The following CFAP58 variants were observed in gnomAD, a reference collection of about 807,000 sequenced individuals.
CFAP58 encodes cilia and flagella associated protein 58, also known as cilia- and flagella-associated protein 58.
CFAP58 carries 88 observed loss-of-function variants against 119.5 expected under a neutral mutation model. That is an observed-to-expected ratio of 0.74 (90% CI 0.62 to 0.88). CFAP58 has a LOEUF of 0.88. CFAP58 is among the 40% of genes least tolerant of loss of function. CFAP58 has a pLI of 0.00. For missense variants in CFAP58, 990 were observed against 1,021.2 expected (o/e 0.97, Z 0.42); for synonymous variants, 365 against 366.3 (o/e 1.00, Z 0.04).
At chr10:104,395,354 G>A (rs952010858) in intron 11 of CFAP58, among the ~76,000 whole-genome samples, 2 of 152,184 alleles carry the variant, frequency 1.3e-5, no homozygotes, top group Non-Finnish European at 2.9e-5. Flanking sequence ...TCCAGAGACT[G>A]CTCCAAATGG....
intron 1 of CFAP58, among the ~76,000 whole-genome samples, chr10:104,356,405 G>A (rs1335218154): frequency 1.3e-5 from 2 of 152,158 alleles, no homozygotes; most frequent in Non-Finnish European, 2.9e-5. Flanking sequence ...TTATTATTGG[G>A]ACTACAGATT....
chr10:104,357,997 A>G (rs1018719101), intron 1 of CFAP58, among the ~76,000 whole-genome samples: 7 of 134,484 alleles, frequency 5.2e-5, no homozygotes, highest in African/African-American at 8.5e-5. Flanking sequence ...ACATATATGT[A>G]CACATATATA....
chr10:104,344,202 T>C, the CFAP58 span, among the ~76,000 whole-genome samples: 8 of 152,374 alleles, frequency 5.3e-5, no homozygotes, highest in African/African-American at 1.9e-4. Flanking sequence ...TAGATATTCA[T>C]TGCTCTCCTT....
In CFAP58 at chr10:104,437,186, G is replaced by A. The variant is rs74157108; in HGVS notation, c.2257-10512G>A. The stretch of plus-strand genomic sequence containing the variant: ...CAATCAGCTCACAGGTTTGTTGTGT[G>A]GATTTATTAAGTAACACATGTGCTG... On this transcript the variant is annotated intron_variant, in intron 15 of 17. Coordinates refer to ENST00000369704, the MANE Select transcript of CFAP58 (RefSeq NM_001008723.2). Among the ~76,000 whole-genome samples, 1,468 of 152,260 alleles carry A rather than the reference G, an allele frequency of 9.6e-3. 30 individuals are homozygous for A. Among genetic ancestry groups the A allele is most frequent in the African/African-American group, 0.034 (1,397 of 41,544 alleles).
the CFAP58 span, among the ~76,000 whole-genome samples, chr10:104,347,399 A>G: frequency 2.6e-5 from 4 of 152,072 alleles, no homozygotes; most frequent in African/African-American, 4.8e-5. Context: ...AAAGGAATAA[A>G]ATATGCCCCC....
chr10:104,369,160 T>C (rs2014790855), intron 6 of CFAP58, among the ~76,000 whole-genome samples: 1 of 152,190 alleles, frequency 6.6e-6, no homozygotes, highest in African/African-American at 2.4e-5. Flanking sequence ...GTTTATCACT[T>C]TAATTCTGAA....
the CFAP58 span, among the ~76,000 whole-genome samples, chr10:104,348,618 T>C: frequency 6.6e-6 from 1 of 152,180 alleles, no homozygotes; most frequent in African/African-American, 2.4e-5. Flanking sequence ...CTTGTCAACT[T>C]TAGTGTCCAC....
At chr10:104,392,861 G>A (rs942235642) in intron 10 of CFAP58, among the ~76,000 whole-genome samples, 1 of 151,898 alleles carries the variant, frequency 6.6e-6, no homozygotes, top group Non-Finnish European at 1.5e-5. Context: ...GGCTGGTCTC[G>A]AACTCCTGAC....
intron 9 of CFAP58, among the ~76,000 whole-genome samples, chr10:104,381,925 T>C (rs2011817717): frequency 6.6e-6 from 1 of 152,254 alleles, no homozygotes; most frequent in Non-Finnish European, 1.5e-5. Context: ...ATTGATTTAC[T>C]GACTCTGAGG....
intron 15 of CFAP58, among the ~76,000 whole-genome samples, chr10:104,425,906 G>A (rs1351587190): frequency 6.6e-6 from 1 of 152,148 alleles, no homozygotes; most frequent in Non-Finnish European, 1.5e-5. Flanking sequence ...ACAGGCTCTG[G>A]GGAGGAGAAA....
rs764674856 is a variant in CFAP58, at chr10:104,447,833, T to C, written c.2376+16T>C. ...GCAGCTGAAAGTAAGTGGTAGCCCCTGTTCCTTCCGGGTTCCAGGGCAGCC... is the reference window on the plus strand; with the variant it reads ...GCAGCTGAAAGTAAGTGGTAGCCCCCGTTCCTTCCGGGTTCCAGGGCAGCC... On this transcript the variant is annotated intron_variant, in intron 16 of 17. Transcript: ENST00000369704. The C allele has an allele frequency of 2.5e-6, 4 of 1,595,584 alleles. No homozygotes were observed. The African/African-American group carries it at 5.4e-5, about 21-fold the overall frequency.
At chr10:104,399,717 G>A (rs1428454409) in intron 12 of CFAP58, among the ~76,000 whole-genome samples, 2 of 151,564 alleles carry the variant, frequency 1.3e-5, no homozygotes, top group African/African-American at 4.9e-5. Context: ...TAGGCACTAG[G>A]GACACGTTGG....
intron 15 of CFAP58, among the ~76,000 whole-genome samples, chr10:104,416,550 AT>A (rs2012557693): frequency 6.6e-6 from 1 of 152,156 alleles, no homozygotes; most frequent in East Asian, 1.9e-4. Context: ...TGCACGAGTT[AT>A]TAGCTGTGCA....
chr10:104,431,385 G>T (rs78005601), intron 15 of CFAP58, among the ~76,000 whole-genome samples: 248 of 152,184 alleles, frequency 1.6e-3, no homozygotes, highest in East Asian at 0.016. Flanking sequence ...TTTATATTTG[G>T]AAAAATTAGA....
At chr10:104,393,754 A>G (rs1327139936) in intron 11 of CFAP58, among the ~76,000 whole-genome samples, 1 of 152,208 alleles carries the variant, frequency 6.6e-6, no homozygotes, top group East Asian at 1.9e-4. Context: ...ATCATACATC[A>G]GTGGGAGAGA....
chr10:104,418,944 C>G (rs912772543), intron 15 of CFAP58, among the ~76,000 whole-genome samples: 1 of 152,084 alleles, frequency 6.6e-6, no homozygotes, highest in Non-Finnish European at 1.5e-5. Context: ...TGGGTTTTTG[C>G]TCTGTTCTAA....
rs1167930500 is a variant in CFAP58, at chr10:104,403,750, A to G, written c.2061A>G (p.Gln687=). Residue 687 remains glutamine, a synonymous_variant, in exon 14 of 18, where the codon CAA becomes CAG. Coordinates refer to ENST00000369704, the MANE Select transcript of CFAP58 (RefSeq NM_001008723.2). ...EELRQEFFHM[Q]RELLKERTRC... ...TCAGACAGGAGTTTTTTCACATGCA[A>G]AGAGAATTGTTGAAGGAGAGGACAC... The G allele has an allele frequency of 8.7e-6, 14 of 1,611,020 alleles. No individual in the cohort carries two copies. The African/African-American group carries it at 1.1e-4, about 12-fold the overall frequency.
chr10:104,444,153 A>T (rs2013079056), intron 15 of CFAP58, among the ~76,000 whole-genome samples: 2 of 152,234 alleles, frequency 1.3e-5, no homozygotes, highest in Admixed American at 1.3e-4. Context: ...CTACAAAGCG[A>T]TATTGCTGTG....
At chr10:104,438,251 A>G (rs1443560892) in intron 15 of CFAP58, among the ~76,000 whole-genome samples, 1 of 152,114 alleles carries the variant, frequency 6.6e-6, no homozygotes, top group African/African-American at 2.4e-5. Flanking sequence ...GGTATGGCTT[A>G]ACTGGGTCCT....
Sources: allele counts gnomAD v4.1 joint callset (sites outside exome capture counted in the v4.1 genomes callset), GRCh38; gene constraint gnomAD v4.1.1; transcripts MANE v1.5; gene names NCBI Gene and HGNC (gene_info 2026-07-23, HGNC 2026-07-21).